RGS7: variants seen among roughly 807,000 people sequenced by gnomAD.
RGS7 encodes regulator of G-protein signaling 7.
Under a neutral mutation model 81.1 loss-of-function variants are expected in RGS7, and 27 were observed. The ratio of observed to expected loss-of-function variants is 0.33; its 90% CI spans 0.25 to 0.46. The LOEUF is 0.46. Ranked by LOEUF, RGS7 falls within the 20% of genes least tolerant of loss-of-function variation. RGS7 has a pLI of 1.00. For synonymous variants in RGS7, 208 were observed against 207.7 expected (o/e 1.00, Z -0.01); for missense variants, 396 against 607.4 (o/e 0.65, Z 3.66).
At chr1:241,100,157 T>C (rs935689214) in intron 2 of RGS7, among the ~76,000 whole-genome samples, 3 of 150,086 alleles carry the variant, frequency 2.0e-5, no homozygotes, top group Non-Finnish European at 4.4e-5. Context: ...GGGCGGATCA[T>C]GAGGTCAGGA....
chr1:240,927,220 C>G (rs1323472040), intron 6 of RGS7, among the ~76,000 whole-genome samples: 3 of 152,126 alleles, frequency 2.0e-5, no homozygotes, highest in Non-Finnish European at 4.4e-5. Context: ...ACGTGCGCCA[C>G]CATGCCCAGC....
At position 240,811,958 on chromosome 1, in the gene RGS7, G is replaced by A. The variant is rs1207358094; in HGVS notation, c.1042C>T (p.Leu348Phe). 2 of 1,613,576 alleles carry A rather than the reference G, an allele frequency of 1.2e-6. No homozygotes were observed. The highest frequency in any genetic ancestry group is 2.7e-5 in the African/African-American group (2 of 74,912). ...CTGAATTCTGACTCTAGAAATTTAA[G>A]GAACTGTTCTCTCCCAACTGGGTCT... ...LKDPVGREQFLKFLESEFSSE... is the reference protein window; with the variant it reads ...LKDPVGREQFFKFLESEFSSE... Residue 348 changes from leucine (L) to phenylalanine (F), a missense_variant, in exon 14 of 19, where the codon CTT becomes TTT. By Grantham distance (22) the Leu-to-Phe change is conservative (BLOSUM62 0). Transcript: ENST00000440928.
At chr1:240,995,987 A>G (rs1190095899) in intron 3 of RGS7, among the ~76,000 whole-genome samples, 1 of 151,632 alleles carries the variant, frequency 6.6e-6, no homozygotes, top group Non-Finnish European at 1.5e-5. Flanking sequence ...GCAGTGTTCC[A>G]CAAATTGACA....
chr1:240,947,049 T>A (rs1678753470), intron 4 of RGS7, among the ~76,000 whole-genome samples: 1 of 152,122 alleles, frequency 6.6e-6, no homozygotes, highest in Non-Finnish European at 1.5e-5. Flanking sequence ...ATGCTGTAGG[T>A]GATATTAACA....
At chr1:241,018,930 C>T (rs531625467) in intron 3 of RGS7, among the ~76,000 whole-genome samples, 1 of 152,146 alleles carries the variant, frequency 6.6e-6, no homozygotes, top group African/African-American at 2.4e-5. Context: ...CAAAATTGCC[C>T]TCAGGAAAAT....
chr1:240,967,597 G>A (rs1682547643), intron 4 of RGS7, among the ~76,000 whole-genome samples: 2 of 148,638 alleles, frequency 1.3e-5, no homozygotes, highest in South Asian at 2.1e-4. Flanking sequence ...GCTGTAGCAA[G>A]AGTATGGGCT....
chr1:241,287,422 A>G (rs1011858013), intron 2 of RGS7, among the ~76,000 whole-genome samples: 3 of 152,092 alleles, frequency 2.0e-5, no homozygotes, highest in Non-Finnish European at 4.4e-5. Flanking sequence ...GAGTTCCCCT[A>G]CACAAGCTCT....
chr1:240,870,579 C>A (rs1664306601), intron 6 of RGS7, among the ~76,000 whole-genome samples: 1 of 152,092 alleles, frequency 6.6e-6, no homozygotes, highest in African/African-American at 2.4e-5. Flanking sequence ...AACTCCTGGG[C>A]TCAAGTGATC....
intron 4 of RGS7, among the ~76,000 whole-genome samples, chr1:240,966,261 T>C (rs888925035): frequency 1.3e-5 from 2 of 152,154 alleles, no homozygotes; most frequent in Admixed American, 1.3e-4. Context: ...CAGGATGTCA[T>C]GACACTTTAC....
rs78642014 is a variant in RGS7 at position 241,002,071 on chromosome 1, A to G, written c.176-18942T>C. ...TTGGTAGTGGAAAAGACTGAGGTATATGAGAGTAAGAGGTATACAGGAAAT... is the reference window on the plus strand; with the variant it reads ...TTGGTAGTGGAAAAGACTGAGGTATGTGAGAGTAAGAGGTATACAGGAAAT... On this transcript the variant is annotated intron_variant, in intron 3 of 18. Transcript: ENST00000440928. 4.9e-3 allele frequency among the ~76,000 whole-genome samples: 752 copies of G among 152,284 alleles called. 6 individuals carry two copies. Among genetic ancestry groups the G allele is most frequent in the Admixed American group, 7.2e-3 (110 of 15,302 alleles).
chr1:240,919,751 T>C, intron 6 of RGS7: 1 of 648,862 alleles, frequency 1.5e-6, no homozygotes, highest in Non-Finnish European at 2.8e-6. Flanking sequence ...GGGGCCATTT[T>C]CAGCAATGGG....
intron 3 of RGS7, among the ~76,000 whole-genome samples, chr1:241,064,355 G>C (rs1644246020): frequency 6.6e-6 from 1 of 151,308 alleles, no homozygotes; most frequent in Admixed American, 6.6e-5. Flanking sequence ...GGAGGCCGAG[G>C]TGGGAGGATT....
chr1:240,894,109 G>A (rs1284940824), intron 6 of RGS7, among the ~76,000 whole-genome samples: 1 of 152,066 alleles, frequency 6.6e-6, no homozygotes, highest in African/African-American at 2.4e-5. Context: ...TTTTCTCTCA[G>A]TGCCTTGAAA....
intron 18 of RGS7, among the ~76,000 whole-genome samples, chr1:240,777,012 A>C (rs1683051185): frequency 6.6e-6 from 1 of 152,192 alleles, no homozygotes; most frequent in African/African-American, 2.4e-5. Context: ...AAGAAATTTG[A>C]GACCGGGCGC....
At chr1:241,142,162 C>T (rs2067967322) in intron 2 of RGS7, among the ~76,000 whole-genome samples, 1 of 152,236 alleles carries the variant, frequency 6.6e-6, no homozygotes, top group South Asian at 2.1e-4. Flanking sequence ...CTGCAGGGTA[C>T]AACCTCCCTC....
At chr1:241,081,194 T>A (rs2063111349) in intron 3 of RGS7, among the ~76,000 whole-genome samples, 1 of 152,252 alleles carries the variant, frequency 6.6e-6, no homozygotes, top group African/African-American at 2.4e-5. Context: ...GTGGGTCAAC[T>A]GGATCTCTCT....
At chr1:241,117,185 T>A (rs1288211985) in intron 2 of RGS7, among the ~76,000 whole-genome samples, 2 of 152,292 alleles carry the variant, frequency 1.3e-5, no homozygotes, top group East Asian at 3.9e-4. Context: ...CAGGGGAAAT[T>A]TGAGGAAAAG....
chr1:241,067,933 A>G (rs543589491), intron 3 of RGS7, among the ~76,000 whole-genome samples: 2 of 152,086 alleles, frequency 1.3e-5, no homozygotes, highest in South Asian at 4.1e-4. Flanking sequence ...AATAGTTTAG[A>G]TGCATAAGGA....
At chr1:241,026,520 C>A (rs2059792590) in intron 3 of RGS7, among the ~76,000 whole-genome samples, 1 of 151,528 alleles carries the variant, frequency 6.6e-6, no homozygotes, top group African/African-American at 2.4e-5. Context: ...ACCTGGGAGG[C>A]GGACGTTGCA....
Sources: allele counts gnomAD v4.1 joint callset (sites outside exome capture counted in the v4.1 genomes callset), GRCh38; gene constraint gnomAD v4.1.1; transcripts MANE v1.5; gene names NCBI Gene and HGNC (gene_info 2026-07-23, HGNC 2026-07-21).